Variants in ZNG1C observed in about 807,000 individuals in gnomAD.
ZNG1C encodes Zn regulated GTPase metalloprotein activator 1C.
the ZNG1C span, among the ~76,000 whole-genome samples, chr9:68,257,633 G>T: frequency 8.2e-6 from 1 of 121,446 alleles, no homozygotes; most frequent in Non-Finnish European, 1.7e-5. Context: ...AATCCTCCAG[G>T]CAATATGAGG....
At chr9:68,247,643 G>C in the ZNG1C span, 1 of 1,501,648 alleles carries the variant, frequency 6.7e-7, no homozygotes, top group East Asian at 2.3e-5. Context: ...TTAGCTGTCA[G>C]CCAAGGTGGA....
chr9:68,247,231 T>A, the ZNG1C span, among the ~76,000 whole-genome samples: 1 of 151,892 alleles, frequency 6.6e-6, no homozygotes, highest in Non-Finnish European at 1.5e-5. Flanking sequence ...AAGAAAAAGA[T>A]AAGGCAGTCT....
the ZNG1C span, among the ~76,000 whole-genome samples, chr9:68,287,827 A>AGTG: frequency 6.6e-5 from 10 of 150,644 alleles, no homozygotes; most frequent in Non-Finnish European, 1.2e-4. Flanking sequence ...CATTTGGTTT[A>AGTG]GTGGATCTGA....
chr9:68,293,275 C>CA, the ZNG1C span, among the ~76,000 whole-genome samples: 1 of 152,250 alleles, frequency 6.6e-6, no homozygotes, highest in Non-Finnish European at 1.5e-5. Flanking sequence ...CAACAAAAAC[C>CA]AAAAAAACAA....
the ZNG1C span, among the ~76,000 whole-genome samples, chr9:68,264,897 C>A: frequency 1.1e-5 from 1 of 88,332 alleles, no homozygotes; most frequent in African/African-American, 4.5e-5. Flanking sequence ...GAGACAGAAT[C>A]TCACTCTGTC....
the ZNG1C span, chr9:68,254,499 C>G: frequency 6.6e-6 from 1 of 151,982 alleles, no homozygotes; most frequent in African/African-American, 2.4e-5. Context: ...TTCTTTTTGT[C>G]AGGCTGTAAT....
the ZNG1C span, among the ~76,000 whole-genome samples, chr9:68,256,021 A>G: frequency 2.0e-5 from 3 of 152,318 alleles, no homozygotes; most frequent in East Asian, 3.9e-4. Context: ...GGCCCTTGCT[A>G]TATCTTGCAT....
At chr9:68,274,513 A>T in the ZNG1C span, 1 of 141,538 alleles carries the variant, frequency 7.1e-6, no homozygotes, top group East Asian at 2.1e-4. Flanking sequence ...CAAAAATTGC[A>T]GAGGTATCTG....
the ZNG1C span, among the ~76,000 whole-genome samples, chr9:68,284,178 ACTC>A: frequency 6.7e-6 from 1 of 149,706 alleles, no homozygotes; most frequent in African/African-American, 2.5e-5. Context: ...CTCGTCTTGA[ACTC>A]CTGGCCTCAA....
At chr9:68,247,175 A>G in the ZNG1C span, among the ~76,000 whole-genome samples, 1 of 152,218 alleles carries the variant, frequency 6.6e-6, no homozygotes, top group African/African-American at 2.4e-5. Context: ...CTCATTGGGA[A>G]TATTCAGCAG....
the ZNG1C span, among the ~76,000 whole-genome samples, chr9:68,288,357 A>G: frequency 6.6e-6 from 1 of 152,064 alleles, no homozygotes; most frequent in East Asian, 1.9e-4. Flanking sequence ...CTTCATGAGG[A>G]TAGTTTTTTG....
chr9:68,288,647 A>AT, the ZNG1C span, among the ~76,000 whole-genome samples: 5,361 of 56,360 alleles, frequency 0.095, 55 homozygotes, highest in African/African-American at 0.11. Flanking sequence ...TAATTTTTGT[A>AT]TTTTTTTTTT....
the ZNG1C span, among the ~76,000 whole-genome samples, chr9:68,249,237 G>T: frequency 6.6e-6 from 1 of 151,096 alleles, no homozygotes. Flanking sequence ...CATCCATGGC[G>T]TATTAGTTCC....
At chr9:68,249,110 T>G in the ZNG1C span, 1 of 612,282 alleles carries the variant, frequency 1.6e-6, no homozygotes, top group African/African-American at 1.9e-5. Flanking sequence ...AAGCTGTTAA[T>G]AGAATTGGAA....
At chr9:68,296,641 G>A in the ZNG1C span, among the ~76,000 whole-genome samples, 219 of 151,878 alleles carry the variant, frequency 1.4e-3, no homozygotes, top group South Asian at 4.0e-3. Flanking sequence ...ATGCAAAGAT[G>A]TGCTTTAGTA....
the ZNG1C span, among the ~76,000 whole-genome samples, chr9:68,280,964 A>G: frequency 8.6e-6 from 1 of 116,750 alleles, no homozygotes; most frequent in Non-Finnish European, 1.9e-5. Context: ...TTGATCTCAG[A>G]CTGCTGTGCT....
the ZNG1C span, among the ~76,000 whole-genome samples, chr9:68,276,054 G>C: frequency 6.6e-6 from 1 of 152,150 alleles, no homozygotes; most frequent in Non-Finnish European, 1.5e-5. Context: ...CTGATGGCCA[G>C]TGATGGTGAG....
chr9:68,276,514 T>C, the ZNG1C span, among the ~76,000 whole-genome samples: 3 of 147,920 alleles, frequency 2.0e-5, no homozygotes, highest in Non-Finnish European at 4.5e-5. Flanking sequence ...GTTTCAGCTT[T>C]CGACATATGG....
the ZNG1C span, among the ~76,000 whole-genome samples, chr9:68,284,959 AAT>A: frequency 6.6e-6 from 1 of 151,188 alleles, no homozygotes; most frequent in East Asian, 1.9e-4. Context: ...AACAACATTA[AAT>A]ACTGAACATA....
Sources: allele counts gnomAD v4.1 joint callset (sites outside exome capture counted in the v4.1 genomes callset), GRCh38; gene constraint gnomAD v4.1.1; transcripts MANE v1.5; gene names NCBI Gene and HGNC (gene_info 2026-07-23, HGNC 2026-07-21).